AGMO: variants seen among roughly 807,000 people sequenced by gnomAD.
AGMO encodes glyceryl-ether monooxygenase.
In AGMO, 75 loss-of-function variants were observed where a neutral mutation model predicts 60.2. The ratio of observed to expected loss-of-function variants is 1.25; its 90% CI spans 1.03 to 1.51. The LOEUF (loss-of-function observed/expected upper bound fraction) is 1.51. AGMO is among the 40% of genes most tolerant of loss of function. The pLI is 0.00. For synonymous variants in AGMO, 261 were observed against 177.1 expected (o/e 1.47, Z -3.76); for missense variants, 763 against 525.5 (o/e 1.45, Z -4.42).
chr7:15,386,182 A>AT (rs891020995), intron 9 of AGMO, among the ~76,000 whole-genome samples: 1 of 78,402 alleles, frequency 1.3e-5, no homozygotes, highest in African/African-American at 6.1e-5. Context: ...AGAAAAAAAA[A>AT]GAAAAGAAAA....
the AGMO span, among the ~76,000 whole-genome samples, chr7:15,155,433 T>C: frequency 2.1e-5 from 3 of 142,408 alleles, no homozygotes; most frequent in Non-Finnish European, 3.1e-5. Context: ...TTTTTTTTTT[T>C]TTTTTTTTTT....
chr7:15,535,627 G>C (rs1248810086), intron 3 of AGMO, among the ~76,000 whole-genome samples: 1 of 151,654 alleles, frequency 6.6e-6, no homozygotes. Context: ...AGCACCCAAA[G>C]GGTAACAACT....
chr7:15,499,920 C>CACACAG (rs991310194), intron 3 of AGMO, among the ~76,000 whole-genome samples: 13 of 99,884 alleles, frequency 1.3e-4, no homozygotes, highest in Admixed American at 6.8e-4. Flanking sequence ...CACACACACA[C>CACACAG]ACACACACAC....
chr7:15,177,209 G>A, the AGMO span, among the ~76,000 whole-genome samples: 1 of 151,984 alleles, frequency 6.6e-6, no homozygotes, highest in Admixed American at 6.6e-5. Context: ...ATGAGATGAA[G>A]TCTTTGCATT....
At chr7:15,182,440 A>T in the AGMO span, among the ~76,000 whole-genome samples, 1 of 152,200 alleles carries the variant, frequency 6.6e-6, no homozygotes, top group Non-Finnish European at 1.5e-5. Flanking sequence ...TATTTGAGAC[A>T]GATGTCACTC....
intron 3 of AGMO, among the ~76,000 whole-genome samples, chr7:15,468,784 C>T (rs565533835): frequency 4.5e-4 from 68 of 152,160 alleles, no homozygotes; most frequent in African/African-American, 1.6e-3. Context: ...ATGTCTGAAG[C>T]TTGTGCACGT....
At chr7:15,293,785 G>C (rs748568191) in intron 12 of AGMO, among the ~76,000 whole-genome samples, 6 of 152,146 alleles carry the variant, frequency 3.9e-5, no homozygotes, top group Non-Finnish European at 8.8e-5. Flanking sequence ...TTATGCAAGT[G>C]CCTTGCTTAA....
At chr7:15,186,047 G>A in the AGMO span, among the ~76,000 whole-genome samples, 1 of 152,186 alleles carries the variant, frequency 6.6e-6, no homozygotes, top group South Asian at 2.1e-4. Context: ...AAGCTCATCT[G>A]TGAGCATTTG....
At chr7:15,171,084 C>A in the AGMO span, among the ~76,000 whole-genome samples, 1 of 152,080 alleles carries the variant, frequency 6.6e-6, no homozygotes, top group African/African-American at 2.4e-5. Context: ...GGAGCTCACA[C>A]CATTCTCCTG....
At chr7:15,173,279 T>C in the AGMO span, among the ~76,000 whole-genome samples, 1 of 152,120 alleles carries the variant, frequency 6.6e-6, no homozygotes, top group Admixed American at 6.6e-5. Context: ...GCACATAAAC[T>C]AATTCAAAGG....
At chr7:15,210,564 A>G (rs1465391044) in intron 12 of AGMO, among the ~76,000 whole-genome samples, 2 of 152,268 alleles carry the variant, frequency 1.3e-5, no homozygotes, top group East Asian at 3.9e-4. Flanking sequence ...TACTAGAATA[A>G]GAATTTACCT....
chr7:15,552,261 C>T (rs1784986953), intron 2 of AGMO, among the ~76,000 whole-genome samples: 1 of 152,144 alleles, frequency 6.6e-6, no homozygotes, highest in Non-Finnish European at 1.5e-5. Context: ...TAGGCATGGG[C>T]AAGGACTTCA....
chr7:15,207,026 A>C (rs1449250236), intron 12 of AGMO, among the ~76,000 whole-genome samples: 1 of 152,198 alleles, frequency 6.6e-6, no homozygotes, highest in Non-Finnish European at 1.5e-5. Flanking sequence ...CTAAAGGTCT[A>C]AACTGCCTAA....
At chr7:15,299,569 T>C (rs1345483887) in intron 12 of AGMO, among the ~76,000 whole-genome samples, 2 of 152,128 alleles carry the variant, frequency 1.3e-5, no homozygotes, top group Non-Finnish European at 2.9e-5. Flanking sequence ...CTCATGTCTG[T>C]AATTCTAGCA....
chr7:15,256,902 A>G (rs1417606394), intron 12 of AGMO, among the ~76,000 whole-genome samples: 1 of 152,210 alleles, frequency 6.6e-6, no homozygotes. Context: ...CCTTGTATCC[A>G]AGAAATTCCT....
At chr7:15,462,027 T>C (rs1341149601) in intron 3 of AGMO, among the ~76,000 whole-genome samples, 1 of 151,178 alleles carries the variant, frequency 6.6e-6, no homozygotes, top group African/African-American at 2.4e-5. Context: ...TTGAAGGATA[T>C]TAAGTGGGAC....
At chr7:15,192,199 G>A in the AGMO span, among the ~76,000 whole-genome samples, 1 of 151,914 alleles carries the variant, frequency 6.6e-6, no homozygotes, top group South Asian at 2.1e-4. Context: ...GACCCTAAAT[G>A]AGAAGTTATC....
At chr7:15,232,270 G>A (rs1313917116) in intron 12 of AGMO, among the ~76,000 whole-genome samples, 2 of 152,196 alleles carry the variant, frequency 1.3e-5, no homozygotes, top group East Asian at 3.9e-4. Context: ...CATGGGAAGT[G>A]GAGGTGCCAC....
chr7:15,531,314 A>G (rs1392441486), intron 3 of AGMO, among the ~76,000 whole-genome samples: 5 of 91,442 alleles, frequency 5.5e-5, no homozygotes, highest in Non-Finnish European at 9.3e-5. Context: ...TATATATTCT[A>G]TACATATATT....
Sources: allele counts gnomAD v4.1 joint callset (sites outside exome capture counted in the v4.1 genomes callset), GRCh38; gene constraint gnomAD v4.1.1; transcripts MANE v1.5; gene names NCBI Gene and HGNC (gene_info 2026-07-23, HGNC 2026-07-21).